GRID2: variants seen among roughly 807,000 people sequenced by gnomAD.
The protein encoded by GRID2 is glutamate receptor ionotropic, delta-2.
Under a neutral mutation model 114.8 loss-of-function variants are expected in GRID2, and 33 were observed. That is an observed-to-expected ratio of 0.29 (90% confidence interval 0.22 to 0.38). The LOEUF is 0.38. GRID2 is among the 10% of genes least tolerant of loss of function. GRID2 has a pLI of 1.00. For synonymous variants in GRID2, 505 were observed against 449.9 expected, an observed-to-expected ratio of 1.12 and a Z score of -1.55; for missense variants, 1,184 against 1,257.7, an observed-to-expected ratio of 0.94 and a Z score of 0.89.
chr4:92,306,061 T>C (rs1725386632), intron 1 of GRID2, among the ~76,000 whole-genome samples: 1 of 152,172 alleles, frequency 6.6e-6, no homozygotes, highest in Non-Finnish European at 1.5e-5. Flanking sequence ...ATACTCCTGG[T>C]AGGGGAATCT....
At chr4:92,714,353 G>A (rs1338132069) in intron 2 of GRID2, among the ~76,000 whole-genome samples, 1 of 152,190 alleles carries the variant, frequency 6.6e-6, no homozygotes, top group Non-Finnish European at 1.5e-5. Context: ...CCTCTCAGGT[G>A]TTTTCACAGG....
chr4:92,829,755 A>C (rs527300167), intron 2 of GRID2, among the ~76,000 whole-genome samples: 1 of 152,294 alleles, frequency 6.6e-6, no homozygotes, highest in South Asian at 2.1e-4. Flanking sequence ...TGCAGGCATA[A>C]GAAAGAATGA....
chr4:92,703,291 C>T (rs907415005), intron 2 of GRID2, among the ~76,000 whole-genome samples: 1 of 151,872 alleles, frequency 6.6e-6, no homozygotes. Flanking sequence ...AAATCAAGGC[C>T]CAGATTTAGG....
At chr4:93,675,393 T>C (rs1364575497) in intron 14 of GRID2, among the ~76,000 whole-genome samples, 1 of 152,234 alleles carries the variant, frequency 6.6e-6, no homozygotes, top group Non-Finnish European at 1.5e-5. Context: ...GATACTTTGA[T>C]AGTGCATTTT....
chr4:93,563,160 C>G (rs186168282), intron 13 of GRID2, among the ~76,000 whole-genome samples: 1 of 152,002 alleles, frequency 6.6e-6, no homozygotes, highest in South Asian at 2.1e-4. Context: ...TAAAAGCAAA[C>G]TGTCAGTCTT....
In GRID2 at chr4:93,621,770, G is replaced by A. The variant is rs191127730; in HGVS notation, c.2194-4499G>A. Among the ~76,000 whole-genome samples, 331 of 152,244 alleles carry A rather than the reference G, an allele frequency of 2.2e-3. 1 individual carries two copies. The highest frequency in any genetic ancestry group is 3.8e-3 in the Non-Finnish European group (259 of 68,010). ...ATTTTTAAAAGCTAAAATAGTTTGG[G>A]TTACTATGCAACCTTTCATTGCCAT... On this transcript the variant is annotated intron_variant, in intron 13 of 15. Coordinates refer to ENST00000282020, the MANE Select transcript of GRID2 (RefSeq NM_001510.4).
At chr4:93,356,887 A>G (rs1038101231) in intron 8 of GRID2, among the ~76,000 whole-genome samples, 2 of 151,732 alleles carry the variant, frequency 1.3e-5, no homozygotes, top group Non-Finnish European at 2.9e-5. Context: ...TATGACAACA[A>G]ATATGTGTGT....
intron 8 of GRID2, among the ~76,000 whole-genome samples, chr4:93,248,466 A>G (rs1748450004): frequency 6.6e-6 from 1 of 152,050 alleles, no homozygotes; most frequent in Non-Finnish European, 1.5e-5. Context: ...ACATGACAAC[A>G]CTCATGATAT....
In GRID2 at chr4:92,477,046, T is replaced by C. The variant is rs1015716294; in HGVS notation, c.89-113085T>C. 4.7e-4 allele frequency among the ~76,000 whole-genome samples: 9 copies of C among 19,344 alleles called. No homozygotes were observed. In the African/African-American group the frequency reaches 5.2e-3, roughly 11 times the overall value. 12.7% of individuals were successfully genotyped at this position (19,344 alleles called of 152,430 possible). A position where few individuals can be genotyped will look rare whatever the true frequency, so the allele number is the denominator to read the frequency against. The stretch of plus-strand genomic sequence containing the variant: ...ACTATTTGATTTAACTTCATGTGTG[T>C]GTGTGTGTGTGTGTGTGTGTGTGTG... On this transcript the variant is annotated intron_variant, in intron 1 of 15. Coordinates refer to ENST00000282020, the MANE Select transcript of GRID2 (RefSeq NM_001510.4).
intron 2 of GRID2, among the ~76,000 whole-genome samples, chr4:92,972,809 T>A (rs1023970215): frequency 1.3e-5 from 2 of 151,946 alleles, no homozygotes; most frequent in Non-Finnish European, 2.9e-5. Flanking sequence ...TCTATGTGTT[T>A]ATGTGTTCTC....
chr4:92,431,438 C>G (rs1732443353), intron 1 of GRID2, among the ~76,000 whole-genome samples: 1 of 152,046 alleles, frequency 6.6e-6, no homozygotes, highest in African/African-American at 2.4e-5. Context: ...CCTTGCATCT[C>G]TGGGATAAAC....
chr4:92,581,295 A>T (rs534618361), intron 1 of GRID2, among the ~76,000 whole-genome samples: 43 of 151,962 alleles, frequency 2.8e-4, no homozygotes, highest in African/African-American at 9.4e-4. Flanking sequence ...TTATTCACTA[A>T]ACTAGTATAA....
intron 8 of GRID2, among the ~76,000 whole-genome samples, chr4:93,365,814 C>G (rs1320682144): frequency 6.6e-6 from 1 of 152,130 alleles, no homozygotes; most frequent in Non-Finnish European, 1.5e-5. Flanking sequence ...GAGGGACTGG[C>G]TGAAGCCATG....
chr4:92,491,552 T>A (rs1321209765), intron 1 of GRID2, among the ~76,000 whole-genome samples: 1 of 152,176 alleles, frequency 6.6e-6, no homozygotes, highest in Non-Finnish European at 1.5e-5. Flanking sequence ...TCCCTTGCCA[T>A]TTGAAATTAA....
chr4:93,242,676 T>TG (rs913981542), intron 8 of GRID2, among the ~76,000 whole-genome samples: 1 of 151,884 alleles, frequency 6.6e-6, no homozygotes, highest in African/African-American at 2.4e-5. Context: ...ATGGATTAAG[T>TG]GAGAGAGCTT....
chr4:92,848,280 A>C (rs1280775727), intron 2 of GRID2, among the ~76,000 whole-genome samples: 1 of 150,288 alleles, frequency 6.7e-6, no homozygotes, highest in Non-Finnish European at 1.5e-5. Flanking sequence ...AACTAGTTTT[A>C]GGCTTGACTT....
intron 14 of GRID2, among the ~76,000 whole-genome samples, chr4:93,689,865 C>T (rs543061707): frequency 2.0e-5 from 3 of 152,136 alleles, no homozygotes; most frequent in Admixed American, 6.6e-5. Context: ...ATAAAGAAAG[C>T]ATCCTCCAAA....
chr4:93,683,796 CA>C (rs1426548009), intron 14 of GRID2, among the ~76,000 whole-genome samples: 2 of 151,976 alleles, frequency 1.3e-5, no homozygotes, highest in Admixed American at 1.3e-4. Flanking sequence ...CTCTGTGTTT[CA>C]GGAGGTTACA....
At chr4:93,028,132 A>G (rs1274443917) in intron 2 of GRID2, among the ~76,000 whole-genome samples, 1 of 152,172 alleles carries the variant, frequency 6.6e-6, no homozygotes, top group Non-Finnish European at 1.5e-5. Context: ...TGTTTTAGGC[A>G]TGAGAACAAA....
Sources: allele counts gnomAD v4.1 joint callset (sites outside exome capture counted in the v4.1 genomes callset), GRCh38; gene constraint gnomAD v4.1.1; transcripts MANE v1.5; gene names NCBI Gene and HGNC (gene_info 2026-07-23, HGNC 2026-07-21).